Variants in SLC5A4 observed in about 807,000 individuals in gnomAD.
SLC5A4 encodes probable glucose sensor protein SLC5A4.
A neutral mutation model predicts 70.3 loss-of-function variants in SLC5A4; 55 were observed. The observed-to-expected ratio is 0.78, with a 90% CI of 0.63 to 0.98. SLC5A4 has a LOEUF of 0.98. Among genes scored for constraint, SLC5A4 ranks in the 50% least tolerant of loss-of-function variants. The pLI is 0.00. For synonymous variants in SLC5A4, 268 were observed against 305.7 expected (o/e 0.88, Z 1.29); for missense variants, 735 against 839.2 (o/e 0.88, Z 1.53).
chr22:32,314,345 T>C, the SLC5A4 span, among the ~76,000 whole-genome samples: 1 of 152,212 alleles, frequency 6.6e-6, no homozygotes, highest in Non-Finnish European at 1.5e-5. Flanking sequence ...GTTAAGGTGA[T>C]TGTGTGTTTT....
chr22:32,325,208 G>A, the SLC5A4 span, among the ~76,000 whole-genome samples: 15 of 151,756 alleles, frequency 9.9e-5, no homozygotes, highest in African/African-American at 3.7e-4. Context: ...CGCCAGGCCT[G>A]GGCTGGGTGC....
chr22:32,228,419 G>T (rs2123881408), intron 11 of SLC5A4, among the ~76,000 whole-genome samples: 1 of 151,748 alleles, frequency 6.6e-6, no homozygotes, highest in African/African-American at 2.4e-5. Flanking sequence ...GCGGGCACCT[G>T]TAATCCCAGT....
At chr22:32,336,314 C>T in the SLC5A4 span, among the ~76,000 whole-genome samples, 1 of 152,216 alleles carries the variant, frequency 6.6e-6, no homozygotes, top group African/African-American at 2.4e-5. Context: ...GGCGTATTCA[C>T]GAGCCCCCAG....
rs192693988 is a variant in SLC5A4, at chr22:32,240,287, C to T, written c.478-1197G>A. Reference sequence around the variant, plus strand: ...CCCTCCTAGGGCCCTTAGGTCTAACCATAAAAAAAGGAGACTATGATCAAC... The same window carrying T: ...CCCTCCTAGGGCCCTTAGGTCTAACTATAAAAAAAGGAGACTATGATCAAC... On this transcript the variant is annotated intron_variant, in intron 5 of 14. Transcript: ENST00000266086. 3.9e-5 allele frequency among the ~76,000 whole-genome samples: 6 copies of T among 151,950 alleles called. No homozygotes were observed. In the East Asian group the frequency reaches 7.8e-4, roughly 20 times the overall value.
At chr22:32,220,696 C>G (rs1925023844) in intron 14 of SLC5A4, among the ~76,000 whole-genome samples, 1 of 152,166 alleles carries the variant, frequency 6.6e-6, no homozygotes, top group African/African-American at 2.4e-5. Context: ...ATCTCAGTAA[C>G]TATGGATGGA....
upstream of SLC5A4, among the ~76,000 whole-genome samples, chr22:32,256,194 G>A (rs1291831590): frequency 6.6e-6 from 1 of 152,148 alleles, no homozygotes; most frequent in East Asian, 1.9e-4. Context: ...TATGGTCCCA[G>A]CTACTTGGGA....
the SLC5A4 span, among the ~76,000 whole-genome samples, chr22:32,332,211 C>T: frequency 4.6e-5 from 7 of 152,166 alleles, no homozygotes; most frequent in African/African-American, 1.7e-4. Context: ...TCCTCGAGGG[C>T]ACCCTTGTCC....
At chr22:32,253,736 A>G (rs1927303091) in intron 2 of SLC5A4, among the ~76,000 whole-genome samples, 2 of 152,154 alleles carry the variant, frequency 1.3e-5, no homozygotes, top group South Asian at 2.1e-4. Flanking sequence ...CGAGTAGGCA[A>G]CCAATGTACA....
chr22:32,243,201 C>T (rs184798069), intron 5 of SLC5A4, among the ~76,000 whole-genome samples: 19 of 152,154 alleles, frequency 1.2e-4, no homozygotes, highest in Admixed American at 9.8e-4. Flanking sequence ...AACGTGAATC[C>T]AACCATGAAG....
At chr22:32,319,686 C>T in the SLC5A4 span, among the ~76,000 whole-genome samples, 1 of 152,218 alleles carries the variant, frequency 6.6e-6, no homozygotes, top group Non-Finnish European at 1.5e-5. Context: ...CCCAGATAAA[C>T]CCAAGGCTGA....
chr22:32,338,705 T>C, the SLC5A4 span, among the ~76,000 whole-genome samples: 5 of 152,146 alleles, frequency 3.3e-5, no homozygotes, highest in Non-Finnish European at 7.4e-5. Flanking sequence ...GGGCACCCCA[T>C]ACTGGAGAGG....
the SLC5A4 span, among the ~76,000 whole-genome samples, chr22:32,315,266 G>C: frequency 8.1e-6 from 1 of 122,960 alleles, no homozygotes; most frequent in Non-Finnish European, 1.7e-5. Flanking sequence ...GACCATCACA[G>C]AGAAGAATGA....
At chr22:32,330,472 T>C in the SLC5A4 span, among the ~76,000 whole-genome samples, 10 of 116,256 alleles carry the variant, frequency 8.6e-5, no homozygotes, top group African/African-American at 2.8e-4. Flanking sequence ...TGTGTGTGTG[T>C]TGGAGGCTCC....
At chr22:32,332,915 TAAAG>T in the SLC5A4 span, among the ~76,000 whole-genome samples, 1 of 152,170 alleles carries the variant, frequency 6.6e-6, no homozygotes, top group Non-Finnish European at 1.5e-5. Flanking sequence ...TCTGCGAAAA[TAAAG>T]ACTCTTTCTC....
At chr22:32,312,134 G>A in the SLC5A4 span, among the ~76,000 whole-genome samples, 1 of 152,190 alleles carries the variant, frequency 6.6e-6, no homozygotes, top group Non-Finnish European at 1.5e-5. Flanking sequence ...TTTTGTTACA[G>A]GAATGAATTC....
At chr22:32,263,025 C>G in the SLC5A4 span, among the ~76,000 whole-genome samples, 8 of 151,946 alleles carry the variant, frequency 5.3e-5, no homozygotes, top group Non-Finnish European at 8.8e-5. Flanking sequence ...GCCTCGACCT[C>G]CCAAAGTGCT....
At chr22:32,276,509 A>G in the SLC5A4 span, among the ~76,000 whole-genome samples, 159 of 152,372 alleles carry the variant, frequency 1.0e-3, 1 homozygote, top group African/African-American at 3.8e-3. Context: ...AAGTATTGCA[A>G]TAGCTCCATT....
At chr22:32,274,504 G>T in the SLC5A4 span, among the ~76,000 whole-genome samples, 1 of 151,892 alleles carries the variant, frequency 6.6e-6, no homozygotes, top group African/African-American at 2.4e-5. Context: ...ACTCTACTGA[G>T]AAGTGAACAA....
rs1925048050 is a variant in SLC5A4, at chr22:32,221,012, A to T, written c.1676T>A (p.Leu559Gln). The change falls in exon 14 of 15, where the codon CTG becomes CAG. Residue 559 changes from leucine (L) to glutamine (Q), a missense_variant. Coordinates refer to ENST00000266086, the MANE Select transcript of SLC5A4 (RefSeq NM_014227.3). ...TGTACTGTTCCGAAGAACCCAGCAC[A>T]GGCGGTACAGCTGAACAGGGACCAT... ...KPIPDVHLYR[L>Q]CWVLRNSTEE... 6.2e-7 allele frequency: 1 copy of T among 1,612,570 alleles called. No homozygotes were observed. Among genetic ancestry groups the T allele is most frequent in the African/African-American group, 1.3e-5 (1 of 74,872 alleles).
Sources: gnomAD v4.1 joint callset for allele counts (sites outside exome capture counted in the v4.1 genomes callset) on GRCh38, gnomAD v4.1.1 for gene constraint, MANE v1.5 for transcripts, NCBI Gene and HGNC (gene_info 2026-07-23, HGNC 2026-07-21) for gene names.